Variants in GNAQ observed in about 807,000 individuals in gnomAD.
GNAQ encodes the protein G protein subunit alpha q.
A neutral mutation model predicts 43.9 loss-of-function variants in GNAQ; 8 were observed. The observed-to-expected ratio is 0.18, with a 90% confidence interval of 0.11 to 0.33. The LOEUF (loss-of-function observed/expected upper bound fraction) is 0.33. Ranked by LOEUF, GNAQ falls within the 10% of genes least tolerant of loss-of-function variation. The pLI is 1.00. For synonymous variants in GNAQ, 155 were observed against 170.7 expected (o/e 0.91, Z 0.71); for missense variants, 158 against 450.8 (o/e 0.35, Z 5.88).
At chr9:77,980,566 T>C (rs1455975175) in intron 1 of GNAQ, among the ~76,000 whole-genome samples, 1 of 152,176 alleles carries the variant, frequency 6.6e-6, no homozygotes, top group African/African-American at 2.4e-5. Flanking sequence ...AACTGCACTT[T>C]ATCATATCAA....
intron 1 of GNAQ, among the ~76,000 whole-genome samples, chr9:77,989,391 T>A (rs1205809207): frequency 6.6e-6 from 1 of 152,202 alleles, no homozygotes; most frequent in Non-Finnish European, 1.5e-5. Flanking sequence ...ATTGGACCAT[T>A]GCTGCAAGTC....
At chr9:77,934,156 C>T (rs1254923846) in intron 1 of GNAQ, among the ~76,000 whole-genome samples, 1 of 152,120 alleles carries the variant, frequency 6.6e-6, no homozygotes, top group East Asian at 1.9e-4. Context: ...GGGGCCCTCC[C>T]AGCCCGCCCA....
intron 2 of GNAQ, among the ~76,000 whole-genome samples, chr9:77,909,683 T>TAA (rs71360667): frequency 1.9e-3 from 248 of 132,008 alleles, no homozygotes; most frequent in African/African-American, 6.3e-3. Flanking sequence ...CACAAGATAG[T>TAA]AAAAAAAAAA....
At chr9:77,976,781 T>C (rs932222745) in intron 1 of GNAQ, among the ~76,000 whole-genome samples, 2 of 152,212 alleles carry the variant, frequency 1.3e-5, no homozygotes, top group Non-Finnish European at 2.9e-5. Context: ...AAAAAGCAGA[T>C]ATTTTATTTA....
At chr9:77,728,308 T>G (rs1313645662) in intron 6 of GNAQ, among the ~76,000 whole-genome samples, 1 of 152,226 alleles carries the variant, frequency 6.6e-6, no homozygotes, top group Admixed American at 6.5e-5. Context: ...TTTCTTTTTC[T>G]ATGACTTTTA....
At chr9:77,798,281 T>G (rs905233117) in intron 3 of GNAQ, among the ~76,000 whole-genome samples, 1 of 152,178 alleles carries the variant, frequency 6.6e-6, no homozygotes, top group African/African-American at 2.4e-5. Flanking sequence ...ATTTATCTAG[T>G]TATATGATAC....
chr9:77,789,054 G>C (rs1463772628), intron 5 of GNAQ, among the ~76,000 whole-genome samples: 1 of 152,150 alleles, frequency 6.6e-6, no homozygotes, highest in Non-Finnish European at 1.5e-5. Flanking sequence ...TTCATTGGTT[G>C]CTAAGAGATG....
intron 1 of GNAQ, among the ~76,000 whole-genome samples, chr9:77,962,993 A>T (rs997624982): frequency 7.9e-5 from 12 of 152,032 alleles, no homozygotes; most frequent in Non-Finnish European, 2.9e-5. Context: ...CAGACTTGTT[A>T]TAACATATCT....
At chr9:77,853,139 C>A (rs559586565) in intron 2 of GNAQ, among the ~76,000 whole-genome samples, 1 of 152,122 alleles carries the variant, frequency 6.6e-6, no homozygotes, top group Non-Finnish European at 1.5e-5. Flanking sequence ...TTTTAGAAAG[C>A]AGTACACTAC....
intron 2 of GNAQ, among the ~76,000 whole-genome samples, chr9:77,830,432 C>T (rs1827281164): frequency 1.3e-5 from 2 of 152,154 alleles, no homozygotes; most frequent in South Asian, 4.2e-4. Flanking sequence ...GTAACAATGG[C>T]GCCAGGACTT....
At chr9:77,851,829 G>A (rs1587945297) in intron 2 of GNAQ, among the ~76,000 whole-genome samples, 1 of 152,288 alleles carries the variant, frequency 6.6e-6, no homozygotes, top group African/African-American at 2.4e-5. Context: ...TCCAACCCAT[G>A]CAATGCACAA....
At chr9:77,918,766 T>A (rs1001837295) in intron 2 of GNAQ, among the ~76,000 whole-genome samples, 6 of 152,178 alleles carry the variant, frequency 3.9e-5, no homozygotes, top group African/African-American at 1.2e-4. Context: ...GGATTGTAAA[T>A]TTCTGCCCAG....
At chr9:77,927,352 T>C (rs1400854504) in intron 1 of GNAQ, among the ~76,000 whole-genome samples, 4 of 152,224 alleles carry the variant, frequency 2.6e-5, no homozygotes, top group South Asian at 2.1e-4. Flanking sequence ...CATTGGTTCC[T>C]TCTCTCACTT....
chr9:77,855,100 C>T (rs554888690), intron 2 of GNAQ, among the ~76,000 whole-genome samples: 1 of 152,006 alleles, frequency 6.6e-6, no homozygotes, highest in Non-Finnish European at 1.5e-5. Context: ...TTGTTTCAAG[C>T]CTTAAAGAAA....
At chr9:77,906,229 T>C (rs1352577305) in intron 2 of GNAQ, among the ~76,000 whole-genome samples, 1 of 152,164 alleles carries the variant, frequency 6.6e-6, no homozygotes, top group African/African-American at 2.4e-5. Context: ...GGAATGAATA[T>C]AGAGGAAATT....
intron 2 of GNAQ, among the ~76,000 whole-genome samples, chr9:77,875,647 T>C (rs1828114084): frequency 6.6e-6 from 1 of 152,192 alleles, no homozygotes; most frequent in South Asian, 2.1e-4. Flanking sequence ...TTGGTCGCCC[T>C]TTTCCTGGAA....
rs866559616 is a variant in GNAQ at position 77,789,540 on chromosome 9, T to A, written c.735+4923A>T. On this transcript the variant is annotated intron_variant, in intron 5 of 6. Transcript: ENST00000286548. ...TATTATTTCTAATGCTATTACCTAG[T>A]GACAATGACAATCACTGTTTACACC... Among the ~76,000 whole-genome samples, 7 of 152,302 alleles carry A rather than the reference T, an allele frequency of 4.6e-5. No individual in the cohort carries two copies. In the South Asian group the frequency reaches 6.2e-4, roughly 14 times the overall value.
intron 5 of GNAQ, among the ~76,000 whole-genome samples, chr9:77,743,912 T>A (rs1264054537): frequency 6.6e-6 from 1 of 152,224 alleles, no homozygotes; most frequent in Non-Finnish European, 1.5e-5. Context: ...AGTGACCATG[T>A]GCTCATAACA....
chr9:77,777,624 C>CT lies in GNAQ; in HGVS notation c.735+16838dup, dbSNP rs540070854. 3.5e-4 allele frequency among the ~76,000 whole-genome samples: 54 copies of CT among 152,134 alleles called. No homozygotes were observed. The East Asian group carries it at 8.9e-3, about 25-fold the overall frequency. On this transcript the variant is annotated intron_variant, in intron 5 of 6. Transcript: ENST00000286548. ...TCTAGTCTCCTTTATATAAAGGACTCTGACAACTCAACAATAAAAACACAA... is the reference window on the plus strand; with the variant it reads ...TCTAGTCTCCTTTATATAAAGGACTCTTGACAACTCAACAATAAAAACACAA...
Sources: allele counts gnomAD v4.1 joint callset (sites outside exome capture counted in the v4.1 genomes callset), GRCh38; gene constraint gnomAD v4.1.1; transcripts MANE v1.5; gene names NCBI Gene and HGNC (gene_info 2026-07-23, HGNC 2026-07-21).